RABL2B: variants seen among roughly 807,000 people sequenced by gnomAD.
RABL2B encodes rab-like protein 2B.
In RABL2B, 17 loss-of-function variants were observed where a neutral mutation model predicts 26.7. That is an observed-to-expected ratio of 0.64 (90% CI 0.44 to 0.95). RABL2B has a LOEUF of 0.95. RABL2B is among the 40% of genes least tolerant of loss of function. RABL2B has a pLI of 0.00. For synonymous variants in RABL2B, 70 were observed against 103.9 expected (o/e 0.67, Z 1.99); for missense variants, 170 against 277.2 (o/e 0.61, Z 2.75).
At position 50,767,884 on chromosome 22, in the gene RABL2B, A is replaced by G; in HGVS notation, c.*892T>C. On this transcript the variant is annotated 3_prime_UTR_variant, in exon 9 of 9. Coordinates refer to ENST00000691320, the MANE Select transcript of RABL2B (RefSeq NM_001130919.3). ...TGTTCCTGTGATCTCAGCTTTACCTAGAAGAGCTCCTGAAACAGAATGGGT... is the reference window on the plus strand; with the variant it reads ...TGTTCCTGTGATCTCAGCTTTACCTGGAAGAGCTCCTGAAACAGAATGGGT... 5.5e-6 allele frequency: 2 copies of G among 360,844 alleles called. No individual in the cohort carries two copies. The highest frequency in any genetic ancestry group is 4.1e-5 in the South Asian group (2 of 49,306). The allele number at this position is 360,844 out of a possible 1,614,324, so 22.4% of individuals were successfully genotyped here. A position where few individuals can be genotyped will look rare whatever the true frequency, so the allele number is the denominator to read the frequency against.
intron 3 of RABL2B, among the ~76,000 whole-genome samples, 158 bp from the exon 4 acceptor site, chr22:50,776,907 T>G (rs1603450616): frequency 6.6e-6 from 1 of 152,198 alleles, no homozygotes; most frequent in East Asian, 1.9e-4. Flanking sequence ...GAGGATCAGC[T>G]TCACATATCA....
At chr22:50,774,557 T>G (rs1425785729) in intron 5 of RABL2B, among the ~76,000 whole-genome samples, 34 of 148,128 alleles carry the variant, frequency 2.3e-4, no homozygotes, top group African/African-American at 5.1e-5. Flanking sequence ...GAACCCAGCC[T>G]TGGAGTCTTC....
At chr22:50,781,018 T>G (rs2085746103) in intron 2 of RABL2B, among the ~76,000 whole-genome samples, 2 of 152,188 alleles carry the variant, frequency 1.3e-5, no homozygotes, top group South Asian at 4.1e-4. Context: ...ACAGGCGTGC[T>G]GTTGAGGATG....
chr22:50,773,195 C>T, intron 5 of RABL2B: 2 of 1,260,110 alleles, frequency 1.6e-6, no homozygotes, highest in Admixed American at 2.7e-5. Context: ...AGCTCCTCTG[C>T]TCTTGAGGGT....
chr22:50,778,331 G>C (rs1274613577), intron 2 of RABL2B, among the ~76,000 whole-genome samples: 31 of 151,598 alleles, frequency 2.0e-4, no homozygotes, highest in Non-Finnish European at 3.5e-4. Context: ...GCCATTTCCC[G>C]GTCGGGCGCG....
chr22:50,770,100 G>C (rs2083916484), intron 5 of RABL2B, 84 bp from the exon 6 acceptor site: 2 of 1,600,390 alleles, frequency 1.2e-6, no homozygotes, highest in Middle Eastern at 1.7e-4. Context: ...CACCCAAGCA[G>C]GTAAGCACGA....
At position 50,768,364 on chromosome 22, in the gene RABL2B, C is replaced by T. The variant is rs2083674456; in HGVS notation, c.*412G>A. On this transcript the variant is annotated 3_prime_UTR_variant, in exon 9 of 9. Coordinates refer to ENST00000691320, the MANE Select transcript of RABL2B (RefSeq NM_001130919.3). ...TGTGGGTGGGGGGGTAAATCATTAC[C>T]TCAGGAGAAGCCCAAGGAATTGTCC... The T allele has an allele frequency of 7.3e-6, 2 of 274,178 alleles. No homozygotes were observed. The highest frequency in any genetic ancestry group is 1.4e-5 in the Non-Finnish European group (2 of 141,236). The allele number at this position is 274,178 out of a possible 1,614,324, so 17.0% of individuals were successfully genotyped here.
intron 5 of RABL2B, among the ~76,000 whole-genome samples, chr22:50,774,595 C>A (rs1196364191): frequency 1.9e-4 from 28 of 148,962 alleles, no homozygotes; most frequent in South Asian, 4.2e-4. Flanking sequence ...CATGGATTCC[C>A]GATCCATCAG....
intron 5 of RABL2B, chr22:50,770,262 T>C: frequency 4.1e-6 from 2 of 491,302 alleles, no homozygotes; most frequent in Non-Finnish European, 7.0e-6. Context: ...ACACCTGTAA[T>C]CCCAGCACTT....
chr22:50,771,028 C>T (rs1222908674), intron 5 of RABL2B, among the ~76,000 whole-genome samples: 1 of 150,506 alleles, frequency 6.6e-6, no homozygotes. Flanking sequence ...AAGTGTTAGC[C>T]ATCACAACTG....
intron 5 of RABL2B, among the ~76,000 whole-genome samples, chr22:50,774,101 T>C (rs1217357092): frequency 1.3e-5 from 2 of 152,294 alleles, no homozygotes; most frequent in East Asian, 3.9e-4. Flanking sequence ...TTCACCGTGT[T>C]AGCCAGGATG....
intron 2 of RABL2B, 132 bp from the exon 3 acceptor site, chr22:50,778,113 A>G (rs1555925822): frequency 8.0e-7 from 1 of 1,245,928 alleles, no homozygotes; most frequent in Non-Finnish European, 1.2e-6. Flanking sequence ...ACAGCCACAC[A>G]GCTTCCGGGT....
chr22:50,767,797 G>A lies in RABL2B; in HGVS notation c.*979C>T, dbSNP rs1459108786. The A allele has an allele frequency of 1.1e-5, 5 of 450,976 alleles. No homozygotes were observed. The highest frequency in any genetic ancestry group is 2.0e-5 in the African/African-American group (1 of 49,634). The allele number at this position is 450,976 out of a possible 1,614,324, so 27.9% of individuals were successfully genotyped here. On this transcript the variant is annotated 3_prime_UTR_variant, in exon 9 of 9. Coordinates refer to ENST00000691320, the MANE Select transcript of RABL2B (RefSeq NM_001130919.3). ...TCCAAATGGACGTACCTTGTGGTATGGCTGTAAGGACTCGATTTTACGGCT... is the reference window on the plus strand; with the variant it reads ...TCCAAATGGACGTACCTTGTGGTATAGCTGTAAGGACTCGATTTTACGGCT...
At position 50,769,141 on chromosome 22, in the gene RABL2B, G is replaced by A; in HGVS notation, c.508-17C>T. On this transcript the variant is annotated splice_polypyrimidine_tract_variant and intron_variant, in intron 7 of 8. Coordinates refer to ENST00000691320, the MANE Select transcript of RABL2B (RefSeq NM_001130919.3). ...ATTGAAGAGCTGGGGGTGAGGTAGA[G>A]ATGGTGGATGAGAGTGCCTTGGACT... 2.9e-6 allele frequency: 2 copies of A among 692,282 alleles called. No homozygotes were observed. Among genetic ancestry groups the A allele is most frequent in the Non-Finnish European group, 2.5e-6 (1 of 403,844 alleles). 42.9% of individuals were successfully genotyped at this position (692,282 alleles called of 1,614,324 possible).
chr22:50,779,817 A>G (rs559443760), intron 2 of RABL2B, among the ~76,000 whole-genome samples: 285 of 152,136 alleles, frequency 1.9e-3, no homozygotes, highest in Middle Eastern at 6.8e-3. Context: ...AACCTCTGCT[A>G]AAAATACAAA....
At chr22:50,778,673 T>C (rs1555926253) in intron 2 of RABL2B, among the ~76,000 whole-genome samples, 1 of 148,794 alleles carries the variant, frequency 6.7e-6, no homozygotes, top group Non-Finnish European at 1.5e-5. Context: ...CCACTGGCCA[T>C]TTCCTCCTTT....
At chr22:50,778,273 T>C (rs2085292788) in intron 2 of RABL2B, among the ~76,000 whole-genome samples, 1 of 149,954 alleles carries the variant, frequency 6.7e-6, no homozygotes, top group Admixed American at 6.6e-5. Flanking sequence ...CCTTGTGTTA[T>C]GCAAAGGGAA....
intron 2 of RABL2B, among the ~76,000 whole-genome samples, chr22:50,781,685 C>A (rs1283450176): frequency 2.0e-5 from 3 of 152,098 alleles, no homozygotes; most frequent in Admixed American, 2.0e-4. Context: ...GCTGGCAGCA[C>A]GGCAGAGCCT....
chr22:50,781,343 CAA>C (rs1205230491), intron 2 of RABL2B, among the ~76,000 whole-genome samples: 32 of 59,652 alleles, frequency 5.4e-4, no homozygotes, highest in Admixed American at 2.4e-3. Flanking sequence ...GACTCCGTCT[CAA>C]AAAAAAAAAA....
Sources: allele counts gnomAD v4.1 joint callset (sites outside exome capture counted in the v4.1 genomes callset), GRCh38; gene constraint gnomAD v4.1.1; transcripts MANE v1.5; gene names NCBI Gene and HGNC (gene_info 2026-07-23, HGNC 2026-07-21).